Variants in KSR1 observed in about 807,000 individuals in gnomAD.
KSR1 encodes kinase suppressor of ras 1.
In KSR1, 35 loss-of-function variants were observed where a neutral mutation model predicts 92.9. That is an observed-to-expected ratio of 0.38 (90% confidence interval 0.29 to 0.50). The LOEUF (loss-of-function observed/expected upper bound fraction) is 0.50. KSR1 is among the 20% of genes least tolerant of loss of function. The pLI is 0.94. For synonymous variants in KSR1, 467 were observed against 472.6 expected (o/e 0.99, Z 0.15); for missense variants, 972 against 1,158.5 (o/e 0.84, Z 2.34).
intron 3 of KSR1, among the ~76,000 whole-genome samples, chr17:27,582,313 C>T (rs1354030935): frequency 2.6e-5 from 4 of 152,174 alleles, no homozygotes; most frequent in African/African-American, 9.7e-5. Context: ...ATTCCCCATC[C>T]CCAAATCCAG....
chr17:27,529,460 A>G (rs2948542), intron 1 of KSR1, among the ~76,000 whole-genome samples: 95,786 of 152,068 alleles, frequency 0.63, 30,665 homozygotes, highest in African/African-American at 0.73. Flanking sequence ...GGTGAGGGCC[A>G]CCTGGTGAGG....
intron 2 of KSR1, among the ~76,000 whole-genome samples, chr17:27,571,103 G>A (rs911065488): frequency 6.6e-6 from 1 of 152,214 alleles, no homozygotes; most frequent in Non-Finnish European, 1.5e-5. Flanking sequence ...GGTGTTAAGA[G>A]GGGAGTTTGC....
At chr17:27,545,165 C>T (rs1349762959) in intron 1 of KSR1, among the ~76,000 whole-genome samples, 2 of 152,208 alleles carry the variant, frequency 1.3e-5, no homozygotes, top group Non-Finnish European at 2.9e-5. Flanking sequence ...CAGTTCTACC[C>T]ATGGGCCTGC....
At chr17:27,600,471 A>T (rs777136268) in intron 10 of KSR1, among the ~76,000 whole-genome samples, 40 of 152,296 alleles carry the variant, frequency 2.6e-4, no homozygotes, top group East Asian at 9.6e-4. Context: ...AAAAAATTTT[A>T]AAAATGATTA....
chr17:27,544,658 C>T (rs964320670), intron 1 of KSR1, among the ~76,000 whole-genome samples: 3 of 152,220 alleles, frequency 2.0e-5, no homozygotes, highest in Non-Finnish European at 2.9e-5. Context: ...TGGCCAGAGA[C>T]GTAATGACTC....
At chr17:27,485,882 T>TCCC (rs2068649240) in intron 1 of KSR1, among the ~76,000 whole-genome samples, 1 of 152,128 alleles carries the variant, frequency 6.6e-6, no homozygotes, top group Admixed American at 6.5e-5. Flanking sequence ...CCAGGGCTGC[T>TCCC]CCCCCGAGGA....
chr17:27,508,332 G>A (rs980668306), intron 1 of KSR1, among the ~76,000 whole-genome samples: 1 of 152,174 alleles, frequency 6.6e-6, no homozygotes, highest in Non-Finnish European at 1.5e-5. Flanking sequence ...GGGTGCCTAT[G>A]GCCTGCCAAG....
chr17:27,616,918 C>T (rs1003272951), intron 18 of KSR1, among the ~76,000 whole-genome samples: 5 of 152,218 alleles, frequency 3.3e-5, no homozygotes, highest in South Asian at 2.1e-4. Context: ...CCCCGCCTTG[C>T]GCATATTCCG....
chr17:27,590,916 G>T, intron 7 of KSR1, 22 bp downstream of exon 7: 1 of 1,594,552 alleles, frequency 6.3e-7, no homozygotes, highest in Non-Finnish European at 8.6e-7. Context: ...AGGAGTGGGG[G>T]TGGGGGGAGC....
intron 1 of KSR1, among the ~76,000 whole-genome samples, chr17:27,533,767 C>T (rs1476450716): frequency 2.6e-5 from 4 of 152,310 alleles, no homozygotes; most frequent in African/African-American, 7.2e-5. Context: ...GCTGTCTGTA[C>T]GCATAAAGCA....
intron 1 of KSR1, among the ~76,000 whole-genome samples, chr17:27,548,411 A>G (rs780738263): frequency 3.9e-5 from 6 of 152,194 alleles, no homozygotes; most frequent in Non-Finnish European, 7.3e-5. Flanking sequence ...TTATTAATTC[A>G]TCATTTTTTT....
intron 7 of KSR1, among the ~76,000 whole-genome samples, chr17:27,591,395 TGCTGTCCG>T: frequency 6.6e-6 from 1 of 152,312 alleles, no homozygotes; most frequent in South Asian, 2.1e-4. Context: ...GTGTGTCCCC[TGCTGTCCG>T]GCTGTCCTCA....
At chr17:27,516,645 G>A (rs1003537237) in intron 1 of KSR1, among the ~76,000 whole-genome samples, 1 of 152,034 alleles carries the variant, frequency 6.6e-6, no homozygotes, top group African/African-American at 2.4e-5. Context: ...TCTTAAAAAT[G>A]TATATATAGA....
intron 1 of KSR1, among the ~76,000 whole-genome samples, chr17:27,542,131 G>A (rs114979954): frequency 6.6e-6 from 1 of 152,194 alleles, no homozygotes; most frequent in Non-Finnish European, 1.5e-5. Flanking sequence ...AGTCACCCTT[G>A]TGCTATCAGG....
intron 5 of KSR1, 54 bp from the exon 6 acceptor site, chr17:27,588,421 G>T: frequency 6.6e-7 from 1 of 1,506,892 alleles, no homozygotes; most frequent in South Asian, 1.3e-5. Flanking sequence ...TCATGGGCAC[G>T]AGCTGTCGCC....
rs559830076 is a variant in KSR1, at chr17:27,618,456, G to T, written c.2627+1028G>T. The stretch of plus-strand genomic sequence containing the variant: ...TAAAAAGTCTCTGGGCTAGGGGTTG[G>T]GCCAGGTCTAGGGCAGGTAAACTGG... On this transcript the variant is annotated intron_variant, in intron 19 of 20. Coordinates refer to ENST00000644974, the MANE Select transcript of KSR1 (RefSeq NM_001394583.1). 1.6e-4 allele frequency among the ~76,000 whole-genome samples: 25 copies of T among 152,356 alleles called. No homozygotes were observed. In the East Asian group the frequency reaches 4.0e-3, roughly 25 times the overall value.
intron 2 of KSR1, among the ~76,000 whole-genome samples, chr17:27,552,666 T>G (rs1011626004): frequency 1.3e-5 from 2 of 152,156 alleles, no homozygotes; most frequent in African/African-American, 4.8e-5. Flanking sequence ...CCCAAAGATT[T>G]CTTAGATGCA....
intron 18 of KSR1, among the ~76,000 whole-genome samples, chr17:27,614,660 A>G (rs2074009275): frequency 6.6e-6 from 1 of 152,142 alleles, no homozygotes; most frequent in African/African-American, 2.4e-5. Flanking sequence ...TTTATTTTTT[A>G]TTTTTAAATA....
intron 1 of KSR1, among the ~76,000 whole-genome samples, chr17:27,473,942 T>C (rs2068262882): frequency 6.6e-6 from 1 of 151,972 alleles, no homozygotes; most frequent in African/African-American, 2.4e-5. Flanking sequence ...TTTTAGGAAG[T>C]AGTTAAAAAA....
Sources: allele counts gnomAD v4.1 joint callset (sites outside exome capture counted in the v4.1 genomes callset), GRCh38; gene constraint gnomAD v4.1.1; transcripts MANE v1.5; gene names NCBI Gene and HGNC (gene_info 2026-07-23, HGNC 2026-07-21).